The following RNF111 variants were observed in gnomAD, a reference collection of about 807,000 sequenced individuals.
RNF111 encodes E3 ubiquitin-protein ligase Arkadia.
RNF111 carries 17 observed loss-of-function variants against 95.1 expected under a neutral mutation model. The observed-to-expected ratio is 0.18, with a 90% CI of 0.12 to 0.27. RNF111 has a LOEUF of 0.27. Among genes scored for constraint, RNF111 ranks in the 10% least tolerant of loss-of-function variants. The pLI is 1.00. For missense variants in RNF111, 1,189 were observed against 1,210.4 expected (o/e 0.98, Z 0.26); for synonymous variants, 440 against 414.8 (o/e 1.06, Z -0.74).
intron 8 of RNF111, among the ~76,000 whole-genome samples, chr15:59,082,355 A>C (rs555768192): frequency 2.0e-5 from 3 of 152,240 alleles, no homozygotes; most frequent in Non-Finnish European, 4.4e-5. Context: ...AATCAGTGTT[A>C]AAATTGATGA....
chr15:59,079,875 GGA>G, intron 7 of RNF111, among the ~76,000 whole-genome samples: 1 of 151,784 alleles, frequency 6.6e-6, no homozygotes, highest in Admixed American at 6.6e-5. Context: ...CATGGGGTAG[GGA>G]GAGAGAGAGA....
intron 1 of RNF111, among the ~76,000 whole-genome samples, chr15:59,018,446 C>T (rs71478700): frequency 6.6e-6 from 1 of 152,038 alleles, no homozygotes; most frequent in Non-Finnish European, 1.5e-5. Flanking sequence ...CTGTTGTCAA[C>T]AAAGTTGTGT....
chr15:59,016,891 T>C (rs1337914124), intron 1 of RNF111, among the ~76,000 whole-genome samples: 1 of 152,138 alleles, frequency 6.6e-6, no homozygotes, highest in Admixed American at 6.6e-5. Flanking sequence ...GGCATTCTTG[T>C]AGGAGCATGA....
At chr15:59,094,664 A>G (rs1246733493) in intron 13 of RNF111, 119 bp from the exon 14 acceptor site, 4 of 628,590 alleles carry the variant, frequency 6.4e-6, no homozygotes, top group Non-Finnish European at 1.1e-5. Context: ...TGTTTTTTAT[A>G]GAAGAGGAAG....
At chr15:59,054,080 C>T (rs1371257467) in intron 3 of RNF111, among the ~76,000 whole-genome samples, 1 of 152,104 alleles carries the variant, frequency 6.6e-6, no homozygotes, top group African/African-American at 2.4e-5. Context: ...GGATTACAGG[C>T]ATGAGCCACC....
At chr15:59,025,035 G>T (rs950071424) in intron 1 of RNF111, among the ~76,000 whole-genome samples, 1 of 152,146 alleles carries the variant, frequency 6.6e-6, no homozygotes, top group African/African-American at 2.4e-5. Flanking sequence ...TTCATTGTAC[G>T]TGTATATCAC....
At position 59,045,831 on chromosome 15, in the gene RNF111, A is replaced by T. The variant is rs577662683; in HGVS notation, c.881-6474A>T. Reference sequence around the variant, plus strand: ...TACCTTAAGCTGCATTGTGTTTATGATTATGAAGCAAGAGTTGGAAAATAA... The same window carrying T: ...TACCTTAAGCTGCATTGTGTTTATGTTTATGAAGCAAGAGTTGGAAAATAA... On this transcript the variant is annotated intron_variant, in intron 2 of 13. Coordinates refer to ENST00000348370, the MANE Select transcript of RNF111 (RefSeq NM_017610.8). 9.8e-5 allele frequency among the ~76,000 whole-genome samples: 15 copies of T among 152,308 alleles called. No homozygotes were observed. In the East Asian group the frequency reaches 2.5e-3, roughly 25 times the overall value.
intron 1 of RNF111, among the ~76,000 whole-genome samples, chr15:59,013,570 A>G (rs776694597): frequency 6.6e-6 from 1 of 152,214 alleles, no homozygotes; most frequent in Non-Finnish European, 1.5e-5. Flanking sequence ...CATGGTGTCA[A>G]CATGACTTAG....
chr15:59,021,262 T>G (rs879823015), intron 1 of RNF111, among the ~76,000 whole-genome samples: 1 of 152,194 alleles, frequency 6.6e-6, no homozygotes, highest in Non-Finnish European at 1.5e-5. Context: ...GTGATTCTCC[T>G]GTCTCAGCCT....
At chr15:59,059,253 A>G (rs1287868378) in intron 5 of RNF111, among the ~76,000 whole-genome samples, 2 of 152,242 alleles carry the variant, frequency 1.3e-5, no homozygotes, top group Non-Finnish European at 2.9e-5. Context: ...GAAGCACAAG[A>G]TGCTCAACAT....
intron 1 of RNF111, among the ~76,000 whole-genome samples, chr15:59,029,935 CTCT>C (rs1253040534): frequency 1.3e-5 from 2 of 152,140 alleles, no homozygotes; most frequent in Non-Finnish European, 2.9e-5. Flanking sequence ...ACTAGTAAAG[CTCT>C]TCATTTGTCA....
At chr15:58,991,286 T>C (rs1445342991) in intron 1 of RNF111, among the ~76,000 whole-genome samples, 1 of 151,896 alleles carries the variant, frequency 6.6e-6, no homozygotes, top group East Asian at 1.9e-4. Flanking sequence ...CAAGACTCCA[T>C]CTTGAAAAAA....
At chr15:59,027,470 C>A (rs1254775419) in intron 1 of RNF111, among the ~76,000 whole-genome samples, 1 of 151,950 alleles carries the variant, frequency 6.6e-6, no homozygotes, top group Non-Finnish European at 1.5e-5. Flanking sequence ...ATAGCTGGCA[C>A]CACAATCAGT....
In RNF111 at chr15:59,076,133, A is replaced by C; in HGVS notation, c.1866A>C (p.Gly622=). The C allele has an allele frequency of 6.2e-7, 1 of 1,614,064 alleles. No individual in the cohort carries two copies. The highest frequency in any genetic ancestry group is 8.5e-7 in the Non-Finnish European group (1 of 1,180,050). Residue 622 remains glycine, a synonymous_variant, in exon 7 of 14, where the codon GGA becomes GGC. Transcript: ENST00000348370. ...CTTTATCATCAATAGATGGCTATGGATCAAGCATGGTTGCGCAGCCCCAGC... is the reference window on the plus strand; with the variant it reads ...CTTTATCATCAATAGATGGCTATGGCTCAAGCATGGTTGCGCAGCCCCAGC... ...SQPLSSIDGY[G]SSMVAQPQPQ...
intron 1 of RNF111, among the ~76,000 whole-genome samples, chr15:59,007,335 G>A (rs1402457756): frequency 2.0e-5 from 3 of 150,928 alleles, no homozygotes; most frequent in South Asian, 2.1e-4. Flanking sequence ...GAAGCATACC[G>A]ATACTTTGTG....
chr15:59,031,752 G>C (rs2040921458), intron 2 of RNF111, 50 bp downstream of exon 2: 1 of 1,518,244 alleles, frequency 6.6e-7, no homozygotes, highest in African/African-American at 1.4e-5. Flanking sequence ...CATTGCATTT[G>C]TGCTTAATTT....
In RNF111 at chr15:59,086,022, T is replaced by C. The variant is rs116564318; in HGVS notation, c.2550+237T>C. Among the ~76,000 whole-genome samples, 664 of 152,204 alleles carry C rather than the reference T, an allele frequency of 4.4e-3. 4 individuals carry two copies. The highest frequency in any genetic ancestry group is 0.041 in the Middle Eastern group (12 of 294). ...ACAAAAAAGTGTGGGGTTTTTTGTA[T>C]ACCAAGATACTCTTAATCCACTGTC... On this transcript the variant is annotated intron_variant, in intron 10 of 13. Coordinates refer to ENST00000348370, the MANE Select transcript of RNF111 (RefSeq NM_017610.8).
At chr15:59,012,619 C>T (rs1428944948) in intron 1 of RNF111, among the ~76,000 whole-genome samples, 27 of 152,054 alleles carry the variant, frequency 1.8e-4, no homozygotes, top group African/African-American at 5.8e-4. Context: ...AGAAAAATTA[C>T]GTATAATTTT....
At chr15:59,045,327 A>G (rs1262388573) in intron 2 of RNF111, among the ~76,000 whole-genome samples, 1 of 151,880 alleles carries the variant, frequency 6.6e-6, no homozygotes, top group African/African-American at 2.4e-5. Context: ...AGTAGCTGGG[A>G]CTACAGGCAC....
Sources: allele counts gnomAD v4.1 joint callset (sites outside exome capture counted in the v4.1 genomes callset), GRCh38; gene constraint gnomAD v4.1.1; transcripts MANE v1.5; gene names NCBI Gene and HGNC (gene_info 2026-07-23, HGNC 2026-07-21).